MOSPD2: variants seen among roughly 807,000 people sequenced by gnomAD.
MOSPD2 encodes motile sperm domain containing 2, also known as motile sperm domain-containing protein 2.
A neutral mutation model predicts 41.7 loss-of-function variants in MOSPD2; 5 were observed. The observed-to-expected ratio is 0.12, with a 90% confidence interval of 0.06 to 0.25. The LOEUF (loss-of-function observed/expected upper bound fraction) is 0.25. Ranked by LOEUF, MOSPD2 falls within the 10% of genes least tolerant of loss-of-function variation. The pLI is 1.00. For synonymous variants in MOSPD2, 115 were observed against 126.9 expected, an observed-to-expected ratio of 0.91 and a Z score of 0.63; for missense variants, 282 against 375.2, an observed-to-expected ratio of 0.75 and a Z score of 2.05.
At chrX:14,896,131 A>G (rs1446698999) in intron 4 of MOSPD2, among the ~76,000 whole-genome samples, 1 of 109,921 alleles carries the variant, frequency 9.1e-6, no homozygotes, top group Non-Finnish European at 1.9e-5. Flanking sequence ...CTTTTACTTT[A>G]CAGCTGATAC....
rs769865703 is a variant in MOSPD2 at position 14,912,211 on chromosome X, A to T, written c.880-38A>T. 3.1e-6 allele frequency: 3 copies of T among 952,537 alleles called. No homozygotes were observed. In the African/African-American group the frequency reaches 6.6e-5, roughly 21 times the overall value. The allele number at this position is 952,537 out of a possible 1,213,427, so 78.5% of individuals were successfully genotyped here. On this transcript the variant is annotated intron_variant, in intron 9 of 14. Transcript: ENST00000380492. Reference sequence around the variant, plus strand: ...AAAATAGATGTTAATGGTCATGTTAATATATGCTAAATAGTTATCCTTTTT... The same window carrying T: ...AAAATAGATGTTAATGGTCATGTTATTATATGCTAAATAGTTATCCTTTTT...
intron 7 of MOSPD2, among the ~76,000 whole-genome samples, chrX:14,904,468 G>A (rs1167370380): frequency 9.0e-6 from 1 of 111,651 alleles, no homozygotes; most frequent in African/African-American, 3.3e-5. Context: ...GCAAAGAGTT[G>A]AAACAACTAC....
At chrX:14,883,087 C>T (rs753030914) in intron 2 of MOSPD2, among the ~76,000 whole-genome samples, 1 of 109,818 alleles carries the variant, frequency 9.1e-6, no homozygotes, top group East Asian at 2.9e-4. Context: ...CCCAGCAACT[C>T]GGGAGGCTGA....
intron 14 of MOSPD2, 45 bp downstream of exon 14, chrX:14,918,827 T>A: frequency 2.4e-6 from 2 of 843,122 alleles, no homozygotes; most frequent in South Asian, 4.3e-5. Context: ...TTAATGCTGA[T>A]CAACATTAGA....
chrX:14,921,330 A>G lies in MOSPD2; in HGVS notation c.*1521A>G, dbSNP rs2092609292. 1 of 936,348 alleles carries G rather than the reference A, an allele frequency of 1.1e-6. No individual in the cohort carries two copies. Among genetic ancestry groups the G allele is most frequent in the Non-Finnish European group, 1.3e-6 (1 of 754,977 alleles). 77.2% of individuals were successfully genotyped at this position (936,348 alleles called of 1,213,427 possible). ...AATTGGCCTAGGAAATAAAACCTTA[A>G]AAGGACACTGGTGTGCTACTTTGTC... On this transcript the variant is annotated 3_prime_UTR_variant, in exon 15 of 15. Transcript: ENST00000380492.
chrX:14,917,853 C>T (rs1175320422), intron 13 of MOSPD2, among the ~76,000 whole-genome samples: 1 of 111,254 alleles, frequency 9.0e-6, no homozygotes, highest in African/African-American at 3.3e-5. Flanking sequence ...AACTTTCTTT[C>T]TACAAAAAAT....
chrX:14,877,033 G>T (rs923515751), intron 2 of MOSPD2, among the ~76,000 whole-genome samples: 6 of 111,611 alleles, frequency 5.4e-5, no homozygotes, highest in Admixed American at 1.9e-4. Context: ...GAGGTCAAAA[G>T]GTATGGGGCA....
intron 2 of MOSPD2, among the ~76,000 whole-genome samples, chrX:14,881,565 A>C (rs903088859): frequency 8.9e-6 from 1 of 112,132 alleles, no homozygotes; most frequent in African/African-American, 3.2e-5. Flanking sequence ...TCATCTTTGC[A>C]TCTGCAATAC....
chrX:14,882,355 G>C (rs751101376), intron 2 of MOSPD2, among the ~76,000 whole-genome samples: 2 of 110,902 alleles, frequency 1.8e-5, no homozygotes, highest in African/African-American at 6.6e-5. Context: ...GGGTTGAGGC[G>C]GGAGATTCAA....
Position 14,906,868 on chromosome X carries a change from T to C in MOSPD2, c.578-1992T>C, listed in dbSNP as rs144204365. Among the ~76,000 whole-genome samples, 21 of 110,485 alleles carry C rather than the reference T, an allele frequency of 1.9e-4. No homozygotes were observed. The East Asian group carries it at 6.1e-3, about 32-fold the overall frequency. ...GGTAAAACCCCATCTTGACTAAAAA[T>C]AGAAAATTAGCCAAGCATGGTGGCA... On this transcript the variant is annotated intron_variant, in intron 7 of 14. Transcript: ENST00000380492.
At chrX:14,875,672 C>T (rs1264984557) in intron 2 of MOSPD2, among the ~76,000 whole-genome samples, 1 of 111,893 alleles carries the variant, frequency 8.9e-6, no homozygotes, top group Non-Finnish European at 1.9e-5. Context: ...CCTTGTGTTC[C>T]TCAAACAGAA....
At position 14,921,548 on chromosome X, in the gene MOSPD2, A is replaced by T; in HGVS notation, c.*1739A>T. On this transcript the variant is annotated 3_prime_UTR_variant, in exon 15 of 15. Coordinates refer to ENST00000380492, the MANE Select transcript of MOSPD2 (RefSeq NM_152581.4). Reference sequence around the variant, plus strand: ...TTTTCTGTTCCTTGGCAAATAAATGAAGAAATAATTAGCCAAGATTGAAAA... The same window carrying T: ...TTTTCTGTTCCTTGGCAAATAAATGTAGAAATAATTAGCCAAGATTGAAAA... 1 of 432,724 alleles carries T rather than the reference A, an allele frequency of 2.3e-6. No homozygotes were observed. Among genetic ancestry groups the T allele is most frequent in the East Asian group, 4.8e-5 (1 of 20,763 alleles). 35.7% of individuals were successfully genotyped at this position (432,724 alleles called of 1,213,427 possible). A position where few individuals can be genotyped will look rare whatever the true frequency, so the allele number is the denominator to read the frequency against.
chrX:14,891,265 G>C (rs2092553097), intron 2 of MOSPD2, among the ~76,000 whole-genome samples: 1 of 111,913 alleles, frequency 8.9e-6, no homozygotes, highest in Admixed American at 9.5e-5. Context: ...GTAGCATTTG[G>C]ATGTGCAGAG....
intron 13 of MOSPD2, among the ~76,000 whole-genome samples, chrX:14,917,970 G>C (rs2092603170): frequency 8.9e-6 from 1 of 112,147 alleles, no homozygotes; most frequent in Admixed American, 9.5e-5. Flanking sequence ...TTAGTCCGGA[G>C]GAGGGAGAAG....
chrX:14,917,630 T>G (rs948870438), intron 13 of MOSPD2, among the ~76,000 whole-genome samples: 2 of 112,007 alleles, frequency 1.8e-5, no homozygotes, highest in African/African-American at 6.5e-5. Context: ...TTAGACATAT[T>G]GATTCATTCA....
chrX:14,875,360 C>T (rs2092518111), intron 2 of MOSPD2, among the ~76,000 whole-genome samples: 1 of 112,181 alleles, frequency 8.9e-6, no homozygotes, highest in Non-Finnish European at 1.9e-5. Context: ...TAATTCAAGG[C>T]CATGTGTGAT....
chrX:14,916,247 G>A lies in MOSPD2; in HGVS notation c.1237G>A (p.Glu413Lys), dbSNP rs1395867508. The A allele has an allele frequency of 8.3e-7, 1 of 1,211,908 alleles. No homozygotes were observed. The highest frequency in any genetic ancestry group is 1.1e-6 in the Non-Finnish European group (1 of 895,422). Residue 413 changes from glutamate (E) to lysine (K), a missense_variant, in exon 13 of 15, where the codon GAA (glutamate) becomes AAA (lysine). Around this residue, in one of 3 missense-constraint regions of MOSPD2, gnomAD observed 94 missense variants for 102.1 expected, o/e 0.92. Coordinates refer to ENST00000380492, the MANE Select transcript of MOSPD2 (RefSeq NM_152581.4). Reference sequence around the variant, plus strand: ...TTTTCTGATAATGGCTGCAGAAATGGAACAGTCATCTGGCACAGGCCCAGC... The same window carrying A: ...TTTTCTGATAATGGCTGCAGAAATGAAACAGTCATCTGGCACAGGCCCAGC... ...DRFLIMAAEM[E>K]QSSGTGPAEL...
At chrX:14,877,191 TTG>T (rs1345822575) in intron 2 of MOSPD2, among the ~76,000 whole-genome samples, 2 of 111,722 alleles carry the variant, frequency 1.8e-5, no homozygotes, top group East Asian at 5.6e-4. Flanking sequence ...ATTGAGAGGT[TTG>T]TGTGTTTTGT....
intron 5 of MOSPD2, among the ~76,000 whole-genome samples, chrX:14,897,579 G>A (rs1035784747): frequency 2.7e-5 from 3 of 111,675 alleles, no homozygotes; most frequent in African/African-American, 6.5e-5. Context: ...CACCTGCCCC[G>A]GTGTGTGCCA....
Sources: gnomAD v4.1 joint callset for allele counts (sites outside exome capture counted in the v4.1 genomes callset) on GRCh38, gnomAD v4.1.1 for gene constraint, gnomAD v4.1.1 regional missense constraint, MANE v1.5 for transcripts, NCBI Gene and HGNC (gene_info 2026-07-23, HGNC 2026-07-21) for gene names.